Variants in CUL5 observed in about 807,000 individuals in gnomAD.
The protein encoded by CUL5 is cullin-5.
In CUL5, 26 loss-of-function variants were observed where a neutral mutation model predicts 108.8. That is an observed-to-expected ratio of 0.24 (90% CI 0.18 to 0.33). The LOEUF (loss-of-function observed/expected upper bound fraction) is 0.33, where lower values mean the gene tolerates loss of function less well. CUL5 is among the 10% of genes least tolerant of loss of function. The pLI is 1.00. For synonymous variants in CUL5, 334 were observed against 298.0 expected (o/e 1.12, Z -1.25); for missense variants, 524 against 909.2 (o/e 0.58, Z 5.45).
chr11:108,065,378 T>G (rs1053633653), intron 7 of CUL5, among the ~76,000 whole-genome samples: 2 of 152,190 alleles, frequency 1.3e-5, no homozygotes, highest in Non-Finnish European at 2.9e-5. Context: ...GCCTAGAAGT[T>G]ACAGTCCTTG....
chr11:108,073,441 A>G lies in CUL5; in HGVS notation c.1057A>G (p.Lys353Glu). 6.3e-7 allele frequency: 1 copy of G among 1,598,836 alleles called. No individual in the cohort carries two copies. Among genetic ancestry groups the G allele is most frequent in the South Asian group, 1.1e-5 (1 of 88,492 alleles). ...QLLTLFNRFS[K>E]LVKEAFQDDP... is the part of the protein sequence containing the mutation. ...ACTTACACTATTTAATAGATTTAGTAAACTCGTCAAAGAAGCTTTTCAAGA... is the reference window on the plus strand; with the variant it reads ...ACTTACACTATTTAATAGATTTAGTGAACTCGTCAAAGAAGCTTTTCAAGA... Residue 353 changes from lysine (K) to glutamate (E), a missense_variant, in exon 10 of 19, where the codon AAA (lysine) becomes GAA (glutamate). Physicochemically the swap from Lys to Glu is moderately conservative, Grantham distance 56. Transcript: ENST00000393094.
At chr11:108,096,812 C>T (rs560364996) in intron 16 of CUL5, among the ~76,000 whole-genome samples, 79 of 151,866 alleles carry the variant, frequency 5.2e-4, no homozygotes, top group Admixed American at 1.4e-3. Flanking sequence ...GTAATTTGCC[C>T]GCCTCGGCCT....
At position 108,069,260 on chromosome 11, in the gene CUL5, G is replaced by C. The variant is rs191575156; in HGVS notation, c.781-836G>C. 5.3e-5 allele frequency among the ~76,000 whole-genome samples: 8 copies of C among 152,230 alleles called. No homozygotes were observed. In the East Asian group the frequency reaches 1.4e-3, roughly 26 times the overall value. ...TACTCCAGCTTGGGCAGCAGAGCAA[G>C]ACTCTGTCTCTTAAACAAACAAAAA... On this transcript the variant is annotated intron_variant, in intron 7 of 18. Coordinates refer to ENST00000393094, the MANE Select transcript of CUL5 (RefSeq NM_003478.6).
At chr11:108,095,173 T>TA (rs1864459356) in intron 15 of CUL5, among the ~76,000 whole-genome samples, 186 bp downstream of exon 15, 1 of 152,222 alleles carries the variant, frequency 6.6e-6, no homozygotes, top group South Asian at 2.1e-4. Context: ...ATACTTAAGA[T>TA]ACTGCCGTTG....
In CUL5 at chr11:108,104,512, C is replaced by A; in HGVS notation, c.*128C>A. The A allele has an allele frequency of 1.7e-6, 1 of 587,078 alleles. No individual in the cohort carries two copies. Among genetic ancestry groups the A allele is most frequent in the Non-Finnish European group, 2.9e-6 (1 of 345,764 alleles). The allele number at this position is 587,078 out of a possible 1,614,324, so 36.4% of individuals were successfully genotyped here. Reference sequence around the variant, plus strand: ...ATAAATATTAAAATCTCTGCCTTACCTTACAAAAACAACTATATTTTGCCA... The same window carrying A: ...ATAAATATTAAAATCTCTGCCTTACATTACAAAAACAACTATATTTTGCCA... On this transcript the variant is annotated 3_prime_UTR_variant, in exon 19 of 19. Coordinates refer to ENST00000393094, the MANE Select transcript of CUL5 (RefSeq NM_003478.6).
intron 11 of CUL5, 124 bp from the exon 12 acceptor site, chr11:108,088,403 A>G: frequency 9.5e-7 from 1 of 1,053,672 alleles, no homozygotes; most frequent in Middle Eastern, 3.1e-4. Flanking sequence ...TGCTTATCCT[A>G]GTTCCAAACC....
At chr11:108,087,277 A>T (rs1294695836) in intron 11 of CUL5, among the ~76,000 whole-genome samples, 4 of 152,248 alleles carry the variant, frequency 2.6e-5, no homozygotes, top group African/African-American at 7.2e-5. Flanking sequence ...TGATGCATCC[A>T]GTAAAATTTT....
At chr11:108,024,984 A>G (rs1000349956) in intron 1 of CUL5, among the ~76,000 whole-genome samples, 3 of 151,938 alleles carry the variant, frequency 2.0e-5, no homozygotes, top group Non-Finnish European at 4.4e-5. Flanking sequence ...CAGTTCAGTG[A>G]CTCTGCTACC....
chr11:108,010,235 AACATAAT>A (rs1307396393), intron 1 of CUL5, among the ~76,000 whole-genome samples: 1 of 152,248 alleles, frequency 6.6e-6, no homozygotes, highest in Non-Finnish European at 1.5e-5. Context: ...TAGCTCAGGG[AACATAAT>A]ATTAATGGCA....
intron 1 of CUL5, among the ~76,000 whole-genome samples, chr11:108,031,188 C>G (rs1248633368): frequency 6.6e-6 from 1 of 151,710 alleles, no homozygotes; most frequent in Admixed American, 6.6e-5. Context: ...GGCAACATGG[C>G]GAAACCCCGT....
chr11:108,068,910 T>C (rs903877187), intron 7 of CUL5, among the ~76,000 whole-genome samples: 1 of 152,162 alleles, frequency 6.6e-6, no homozygotes. Flanking sequence ...ATTATACTGA[T>C]CTTTAATAAT....
At chr11:108,077,030 T>C (rs35237843) in intron 10 of CUL5, among the ~76,000 whole-genome samples, 17,366 of 152,120 alleles carry the variant, frequency 0.11, 1,132 homozygotes, top group Non-Finnish European at 0.15. Context: ...GCTGGAAAAA[T>C]ATGTTTGGCA....
At position 108,099,576 on chromosome 11, in the gene CUL5, G is replaced by A. The variant is rs76651156; in HGVS notation, c.2148+1047G>A. 0.012 allele frequency among the ~76,000 whole-genome samples: 1,883 copies of A among 152,146 alleles called. 102 individuals carry two copies. In the East Asian group the frequency reaches 0.17, roughly 14 times the overall value. On this transcript the variant is annotated intron_variant, in intron 18 of 18. Transcript: ENST00000393094. ...AATAGAAAGGTTGAGCTCTTTTTTT[G>A]TTGCTAAAATTTTTAGTTGTAATTT...
At chr11:108,042,041 C>G (rs1862931824) in intron 2 of CUL5, among the ~76,000 whole-genome samples, 1 of 152,056 alleles carries the variant, frequency 6.6e-6, no homozygotes, top group Admixed American at 6.6e-5. Context: ...GAAACGTCCA[C>G]ATTAGAGAGA....
chr11:108,090,639 A>C (rs184963695), intron 13 of CUL5, among the ~76,000 whole-genome samples: 1 of 152,242 alleles, frequency 6.6e-6, no homozygotes, highest in Non-Finnish European at 1.5e-5. Flanking sequence ...ATGATGGCCT[A>C]TTTAGGGTAA....
In CUL5 at chr11:108,073,517, T is replaced by C; in HGVS notation, c.1113+20T>C. Reference sequence around the variant, plus strand: ...GATAAGGTATATATTCCTATATATATAAAAAACACTTTTAAAAGTTTTATT... The same window carrying C: ...GATAAGGTATATATTCCTATATATACAAAAAACACTTTTAAAAGTTTTATT... On this transcript the variant is annotated intron_variant, in intron 10 of 18. Coordinates refer to ENST00000393094, the MANE Select transcript of CUL5 (RefSeq NM_003478.6). 8.9e-7 allele frequency: 1 copy of C among 1,119,696 alleles called. No individual in the cohort carries two copies. The highest frequency in any genetic ancestry group is 2.5e-5 in the East Asian group (1 of 39,964). 69.4% of individuals were successfully genotyped at this position (1,119,696 alleles called of 1,614,324 possible).
At chr11:108,041,926 C>G (rs1319113117) in intron 2 of CUL5, among the ~76,000 whole-genome samples, 2 of 152,098 alleles carry the variant, frequency 1.3e-5, no homozygotes, top group Non-Finnish European at 2.9e-5. Flanking sequence ...TAAACTAACA[C>G]CAGTCAATGT....
rs1401476999 is a variant in CUL5, at chr11:108,104,172, TTTTA to T, written c.2149-14_2149-11del. On this transcript the variant is annotated splice_polypyrimidine_tract_variant and intron_variant, in intron 18 of 18. Transcript: ENST00000393094. ...ATTTCGTATATTAATGCGCTTTTAT[TTTTA>T]TTTTTTCTTTTAGGAAGCTATCATA... 2 of 1,502,004 alleles carry T rather than the reference TTTTA, an allele frequency of 1.3e-6. No individual in the cohort carries two copies. The highest frequency in any genetic ancestry group is 2.8e-5 in the African/African-American group (2 of 70,228). 93.0% of individuals were successfully genotyped at this position (1,502,004 alleles called of 1,614,324 possible).
chr11:108,070,677 A>G (rs1863799737), intron 8 of CUL5, among the ~76,000 whole-genome samples: 1 of 152,146 alleles, frequency 6.6e-6, no homozygotes, highest in Admixed American at 6.5e-5. Flanking sequence ...AGAGGTAGCA[A>G]GTATATAACA....
Sources: gnomAD v4.1 joint callset for allele counts (sites outside exome capture counted in the v4.1 genomes callset) on GRCh38, gnomAD v4.1.1 for gene constraint, MANE v1.5 for transcripts, NCBI Gene and HGNC (gene_info 2026-07-23, HGNC 2026-07-21) for gene names.